The following PBX1 variants were observed in gnomAD, a reference collection of about 807,000 sequenced individuals.
PBX1 encodes the protein pre-B-cell leukemia transcription factor 1.
PBX1 carries 6 observed loss-of-function variants against 53.4 expected under a neutral mutation model. That is an observed-to-expected ratio of 0.11 (90% CI 0.06 to 0.22). The LOEUF (loss-of-function observed/expected upper bound fraction) is 0.22, where lower values mean the gene tolerates loss of function less well. Among genes scored for constraint, PBX1 ranks in the 10% least tolerant of loss-of-function variants. The pLI is 1.00. For synonymous variants in PBX1, 204 were observed against 212.3 expected (o/e 0.96, Z 0.34); for missense variants, 251 against 551.4 (o/e 0.46, Z 5.46).
intron 2 of PBX1, among the ~76,000 whole-genome samples, chr1:164,729,147 A>G (rs908316131): frequency 6.6e-6 from 1 of 152,228 alleles, no homozygotes; most frequent in Non-Finnish European, 1.5e-5. Flanking sequence ...TTGGTAACTA[A>G]CCTCAGAGGT....
intron 2 of PBX1, among the ~76,000 whole-genome samples, chr1:164,677,776 C>T (rs928915033): frequency 2.0e-5 from 3 of 151,778 alleles, no homozygotes; most frequent in Non-Finnish European, 4.4e-5. Context: ...TAAGGAAGCA[C>T]GGAAGTACTT....
rs1192560151 is a variant in PBX1, at chr1:164,820,064, C to T, written c.998-8C>T. On this transcript the variant is annotated splice_region_variant and splice_polypyrimidine_tract_variant and intron_variant, in intron 6 of 8. Coordinates refer to ENST00000420696, the MANE Select transcript of PBX1 (RefSeq NM_002585.4). ...TGTGATTCAGGTGCCTCACTCTTTC[C>T]TTTCCAGGTTCTTCCAGTTCTTTTA... 2 of 1,583,828 alleles carry T rather than the reference C, an allele frequency of 1.3e-6. No homozygotes were observed. The highest frequency in any genetic ancestry group is 8.7e-7 in the Non-Finnish European group (1 of 1,153,484).
At chr1:164,773,247 A>ACG (rs1667471700) in intron 2 of PBX1, among the ~76,000 whole-genome samples, 2 of 148,550 alleles carry the variant, frequency 1.3e-5, no homozygotes, top group Non-Finnish European at 3.0e-5. Flanking sequence ...ACACGCGCAC[A>ACG]CACACACACA....
intron 3 of PBX1, among the ~76,000 whole-genome samples, chr1:164,796,658 T>C (rs1469435527): frequency 2.6e-5 from 4 of 152,232 alleles, no homozygotes; most frequent in East Asian, 1.9e-4. Flanking sequence ...TTAAACCTTA[T>C]ACAAGACTTT....
chr1:164,665,878 A>G (rs1334872204), intron 2 of PBX1, among the ~76,000 whole-genome samples: 2 of 152,218 alleles, frequency 1.3e-5, no homozygotes, highest in African/African-American at 2.4e-5. Context: ...CATCAGATTC[A>G]TGGGACCCAT....
At chr1:164,797,751 G>A (rs1258736853) in intron 3 of PBX1, among the ~76,000 whole-genome samples, 1 of 152,220 alleles carries the variant, frequency 6.6e-6, no homozygotes, top group Non-Finnish European at 1.5e-5. Context: ...ATTGTGACAT[G>A]TACTTGTAGG....
rs996375780 is a variant in PBX1 at position 164,618,299 on chromosome 1, G to GC, written c.265+54988_265+54989insC. 1.9e-3 allele frequency among the ~76,000 whole-genome samples: 37 copies of GC among 19,078 alleles called. 1 individual carries two copies. The highest frequency in any genetic ancestry group is 5.3e-3 in the African/African-American group (37 of 6,962). The allele number at this position is 19,078 out of a possible 152,430, so 12.5% of individuals were successfully genotyped here. A position where few individuals can be genotyped will look rare whatever the true frequency, so the allele number is the denominator to read the frequency against. On this transcript the variant is annotated intron_variant, in intron 2 of 8. Transcript: ENST00000420696. Reference sequence around the variant, plus strand: ...TACCCCAGGGAGAATAATCACGGCGGGGGGGGGGGGGCACTCAAGATGATC... The same window carrying GC: ...TACCCCAGGGAGAATAATCACGGCGGCGGGGGGGGGGGCACTCAAGATGATC...
rs546393535 is a variant in PBX1, at chr1:164,638,799, G to A, written c.265+75488G>A. 3.9e-5 allele frequency among the ~76,000 whole-genome samples: 6 copies of A among 152,324 alleles called. 1 individual carries two copies. In the South Asian group the frequency reaches 1.0e-3, roughly 26 times the overall value. ...ACAGATTCTAAAAGGGGCTTGCTTG[G>A]CAAAGACCTCCAGGGTCAGAGTGCC... is the stretch of plus-strand genomic sequence containing the variant. On this transcript the variant is annotated intron_variant, in intron 2 of 8. Transcript: ENST00000420696.
At chr1:164,817,466 A>G (rs903699734) in intron 6 of PBX1, 40 of 152,204 alleles carry the variant, frequency 2.6e-4, no homozygotes, top group African/African-American at 9.7e-4. Context: ...GTGCTTCTAG[A>G]TACTTATCAG....
At chr1:164,840,373 A>G (rs1252682004) in intron 8 of PBX1, among the ~76,000 whole-genome samples, 1 of 152,222 alleles carries the variant, frequency 6.6e-6, no homozygotes, top group Non-Finnish European at 1.5e-5. Flanking sequence ...AGGGCATCCC[A>G]TATTTTATCT....
In PBX1 at chr1:164,559,907, G is replaced by A; in HGVS notation, c.85G>A (p.Gly29Arg). ...HPGLSQHLQD[G>R]AGGTEGEGGR... ...CGGCCTGTCCCAGCACTTGCAGGATGGGGCCGGAGGGACCGAGGGGGAGGG... is the reference window on the plus strand; with the variant it reads ...CGGCCTGTCCCAGCACTTGCAGGATAGGGCCGGAGGGACCGAGGGGGAGGG... Residue 29 changes from glycine to arginine, a missense_variant, in exon 1 of 9, where the codon GGG becomes AGG. This residue lies in a region of PBX1 where 63 missense variants were observed against 78.7 expected (regional missense o/e 0.80). Coordinates refer to ENST00000420696, the MANE Select transcript of PBX1 (RefSeq NM_002585.4). 6.5e-7 allele frequency: 1 copy of A among 1,549,722 alleles called. No individual in the cohort carries two copies. The highest frequency in any genetic ancestry group is 8.7e-7 in the Non-Finnish European group (1 of 1,146,284).
rs570151331 is a variant in PBX1, at chr1:164,613,625, C to G, written c.265+50314C>G. On this transcript the variant is annotated intron_variant, in intron 2 of 8. Transcript: ENST00000420696. ...GTGCACGTGGGGGCCCAGAGCTCTC[C>G]CACGCTGAACACCAGCAATTAGTAC... Among the ~76,000 whole-genome samples the G allele has an allele frequency of 6.6e-5, 10 of 152,278 alleles. No homozygotes were observed. In the South Asian group the frequency reaches 2.1e-3, roughly 32 times the overall value.
intron 6 of PBX1, 133 bp from the exon 7 acceptor site, chr1:164,819,937 CTG>C: frequency 1.6e-6 from 1 of 621,518 alleles, no homozygotes; most frequent in Middle Eastern, 2.6e-4. Flanking sequence ...TAACCAGACT[CTG>C]TTGATGTTAT....
chr1:164,806,286 A>G (rs1211629006), intron 4 of PBX1, among the ~76,000 whole-genome samples: 1 of 152,174 alleles, frequency 6.6e-6, no homozygotes, highest in Non-Finnish European at 1.5e-5. Context: ...TTTAAGGCAG[A>G]AAATGCTTTT....
intron 2 of PBX1, among the ~76,000 whole-genome samples, chr1:164,748,084 G>A (rs572244138): frequency 1.1e-4 from 16 of 152,102 alleles, no homozygotes; most frequent in Middle Eastern, 3.2e-3. Flanking sequence ...TTGCTTTTGA[G>A]TTTTTGTTTG....
chr1:164,755,676 C>T (rs1271195367), intron 2 of PBX1, among the ~76,000 whole-genome samples: 2 of 152,128 alleles, frequency 1.3e-5, no homozygotes, highest in East Asian at 3.9e-4. Flanking sequence ...GACAGTGTCC[C>T]CAACTCTGCC....
intron 2 of PBX1, among the ~76,000 whole-genome samples, chr1:164,675,919 C>A (rs1661408834): frequency 6.6e-6 from 1 of 152,142 alleles, no homozygotes; most frequent in Non-Finnish European, 1.5e-5. Context: ...TCTACTCTTG[C>A]AGTTTGAGTC....
chr1:164,869,278 A>C (rs1204612267), intron 2 of PBX1, among the ~76,000 whole-genome samples: 1 of 152,178 alleles, frequency 6.6e-6, no homozygotes, highest in Non-Finnish European at 1.5e-5. Flanking sequence ...CACAATTCTA[A>C]GTCCATAGTT....
chr1:164,691,011 CTTTTT>C (rs386368555), intron 2 of PBX1, among the ~76,000 whole-genome samples: 1 of 106,476 alleles, frequency 9.4e-6, no homozygotes, highest in Admixed American at 1.2e-4. Context: ...GTTGTTAAAT[CTTTTT>C]TTTTTTTTTT....
Sources: allele counts gnomAD v4.1 joint callset (sites outside exome capture counted in the v4.1 genomes callset), GRCh38; gene constraint gnomAD v4.1.1; regional missense constraint gnomAD v4.1.1; transcripts MANE v1.5; gene names NCBI Gene and HGNC (gene_info 2026-07-23, HGNC 2026-07-21).